The following SLC3A1 variants were observed in gnomAD, a reference collection of about 807,000 sequenced individuals.
SLC3A1 encodes amino acid transporter heavy chain SLC3A1.
In SLC3A1, 78 loss-of-function variants were observed where a neutral mutation model predicts 60.3. The observed-to-expected ratio is 1.29, with a 90% confidence interval of 1.08 to 1.56. SLC3A1 has a LOEUF of 1.56. SLC3A1 is among the 40% of genes most tolerant of loss of function. SLC3A1 has a pLI of 0.00. For synonymous variants in SLC3A1, 392 were observed against 307.9 expected (o/e 1.27, Z -2.86); for missense variants, 1,172 against 858.9 (o/e 1.36, Z -4.56).
chr2:44,312,242 C>T (rs959719429), intron 7 of SLC3A1, among the ~76,000 whole-genome samples: 5 of 152,316 alleles, frequency 3.3e-5, no homozygotes, highest in African/African-American at 1.2e-4. Context: ...CTGTCCCTTT[C>T]ACCTGGGTTC....
At position 44,320,992 on chromosome 2, in the gene SLC3A1, C is replaced by T. The variant is rs1350019366; in HGVS notation, c.*353C>T. 1.8e-5 allele frequency: 7 copies of T among 396,558 alleles called. No individual in the cohort carries two copies. The highest frequency in any genetic ancestry group is 7.7e-5 in the South Asian group (3 of 38,964). 24.6% of individuals were successfully genotyped at this position (396,558 alleles called of 1,614,324 possible). A position where few individuals can be genotyped will look rare whatever the true frequency, so the allele number is the denominator to read the frequency against. ...GAAATTAGAGGATGACTCACTGCCA[C>T]AGTGTCTAAAAGCATTTGCTAGCAA... On this transcript the variant is annotated 3_prime_UTR_variant, in exon 10 of 10. Transcript: ENST00000260649.
intron 7 of SLC3A1, among the ~76,000 whole-genome samples, chr2:44,305,739 TTAATA>T (rs1325911381): frequency 6.6e-6 from 1 of 151,970 alleles, no homozygotes; most frequent in Non-Finnish European, 1.5e-5. Flanking sequence ...CTTCCTTTCT[TTAATA>T]TATTATAAAT....
chr2:44,290,510 A>C (rs780011347), intron 4 of SLC3A1, among the ~76,000 whole-genome samples: 1 of 152,086 alleles, frequency 6.6e-6, no homozygotes, highest in Non-Finnish European at 1.5e-5. Context: ...TCTGTGGTTC[A>C]CTCTGGGGAA....
At position 44,308,685 on chromosome 2, in the gene SLC3A1, C is replaced by G. The variant is rs1005283300; in HGVS notation, c.1333-3901C>G. On this transcript the variant is annotated intron_variant, in intron 7 of 9. Transcript: ENST00000260649. ...ATTGATCTTGTATCCTAAAACATTG[C>G]TGAACTTGTTTTTCGTTTCTAATAG... 4.0e-5 allele frequency among the ~76,000 whole-genome samples: 6 copies of G among 151,704 alleles called. No individual in the cohort carries two copies. The East Asian group carries it at 1.2e-3, about 29-fold the overall frequency.
rs757239030 is a variant in SLC3A1 at position 44,286,068 on chromosome 2, G to A, written c.802G>A (p.Glu268Lys). The change falls in exon 4 of 10, where the codon GAA becomes AAA. Residue 268 changes from glutamate to lysine, a missense_variant. Transcript: ENST00000260649. ...TGGAAACTCCAGTTGGCACTTTGAC[G>A]AAGTGCGAAACCAATGTTATTTTCA... is the stretch of plus-strand genomic sequence containing the variant. ...VYGNSSWHFD[E>K]VRNQCYFHQF... 8.1e-6 allele frequency: 13 copies of A among 1,613,770 alleles called. No individual in the cohort carries two copies. The highest frequency in any genetic ancestry group is 1.7e-4 in the Middle Eastern group (1 of 6,060).
At chr2:44,280,464 C>T (rs1402992740) in intron 1 of SLC3A1, among the ~76,000 whole-genome samples, 1 of 152,130 alleles carries the variant, frequency 6.6e-6, no homozygotes, top group Non-Finnish European at 1.5e-5. Flanking sequence ...GTCTCGAGCT[C>T]TTGACCTTAG....
chr2:44,316,409 G>C (rs372118913), intron 9 of SLC3A1: 4 of 152,172 alleles, frequency 2.6e-5, no homozygotes, highest in African/African-American at 9.7e-5. Flanking sequence ...TAATTAGTGT[G>C]CTGAAAAATT....
intron 7 of SLC3A1, among the ~76,000 whole-genome samples, chr2:44,305,576 C>A (rs578131880): frequency 6.6e-6 from 1 of 151,336 alleles, no homozygotes; most frequent in Non-Finnish European, 1.5e-5. Flanking sequence ...TACAGGTGCA[C>A]GCCACCATGC....
chr2:44,275,510 A>C lies in SLC3A1; in HGVS notation c.-26A>C, dbSNP rs757381375. Reference sequence around the variant, plus strand: ...TCCACCTCCCTTACTGCAGGAAGGCACTCCGAAGACATAAGTCGGTGAGAC... The same window carrying C: ...TCCACCTCCCTTACTGCAGGAAGGCCCTCCGAAGACATAAGTCGGTGAGAC... On this transcript the variant is annotated 5_prime_UTR_variant, in exon 1 of 10. Coordinates refer to ENST00000260649, the MANE Select transcript of SLC3A1 (RefSeq NM_000341.4). 15 of 1,605,984 alleles carry C rather than the reference A, an allele frequency of 9.3e-6. No homozygotes were observed. The highest frequency in any genetic ancestry group is 1.7e-5 in the Admixed American group (1 of 59,572).
intron 4 of SLC3A1, among the ~76,000 whole-genome samples, chr2:44,294,205 A>C (rs1049213595): frequency 2.0e-5 from 3 of 152,098 alleles, no homozygotes; most frequent in Non-Finnish European, 4.4e-5. Flanking sequence ...AGATTGGGTA[A>C]TATAAAGACT....
chr2:44,306,632 C>G (rs1418619356), intron 7 of SLC3A1, among the ~76,000 whole-genome samples: 1 of 142,178 alleles, frequency 7.0e-6, no homozygotes, highest in Admixed American at 7.6e-5. Context: ...CGGCTCACTT[C>G]AACCTCTGCC....
chr2:44,297,357 C>A (rs943211567), intron 4 of SLC3A1, among the ~76,000 whole-genome samples: 1 of 152,116 alleles, frequency 6.6e-6, no homozygotes, highest in African/African-American at 2.4e-5. Context: ...TTCACGGTCA[C>A]CTGGTCCTCC....
intron 9 of SLC3A1, 82 bp downstream of exon 9, chr2:44,314,033 T>C (rs1464643196): frequency 6.3e-7 from 1 of 1,598,626 alleles, no homozygotes; most frequent in South Asian, 1.1e-5. Context: ...ACCCTGAATG[T>C]GTCTAAACCT....
chr2:44,311,240 T>G (rs1483867645), intron 7 of SLC3A1, among the ~76,000 whole-genome samples: 2 of 152,232 alleles, frequency 1.3e-5, no homozygotes, highest in Admixed American at 1.3e-4. Context: ...TCTAACAGTT[T>G]TATTTTTTCA....
Position 44,283,252 on chromosome 2 carries a change from A to G in SLC3A1, c.765+1711A>G, listed in dbSNP as rs368326273. On this transcript the variant is annotated intron_variant, in intron 3 of 9. Transcript: ENST00000260649. ...TGTGATGTGTGATTTTCTCCCTATA[A>G]CCTTCCGTCTCCCAGGTTCAGTGAA... 6.6e-5 allele frequency among the ~76,000 whole-genome samples: 10 copies of G among 151,880 alleles called. No homozygotes were observed. The East Asian group carries it at 1.5e-3, about 23-fold the overall frequency.
Position 44,286,050 on chromosome 2 carries a change from T to A in SLC3A1, c.784T>A (p.Ser262Thr). 2 of 1,614,072 alleles carry A rather than the reference T, an allele frequency of 1.2e-6. No individual in the cohort carries two copies. Among genetic ancestry groups the A allele is most frequent in the South Asian group, 2.2e-5 (2 of 91,082 alleles). ...PNNWLSVYGN[S>T]SWHFDEVRNQ... ...TTGCCAGTTAAGTGTGTATGGAAAC[T>A]CCAGTTGGCACTTTGACGAAGTGCG... The change falls in exon 4 of 10, where the codon TCC becomes ACC. Residue 262 changes from serine (S) to threonine (T), a missense_variant. By Grantham distance (58) the Ser-to-Thr change is moderately conservative. Coordinates refer to ENST00000260649, the MANE Select transcript of SLC3A1 (RefSeq NM_000341.4).
chr2:44,313,757 T>G, intron 8 of SLC3A1, 78 bp from the exon 9 acceptor site: 1 of 1,117,252 alleles, frequency 9.0e-7, no homozygotes, highest in Non-Finnish European at 1.4e-6. Context: ...ATTAAATAAT[T>G]ATGAAGTAAA....
Position 44,275,556 on chromosome 2 carries a change from G to A in SLC3A1, c.21G>A (p.Lys7=), listed in dbSNP as rs1012741022. 6.2e-7 allele frequency: 1 copy of A among 1,614,136 alleles called. No homozygotes were observed. MAEDKS[K]RDSIEMSMKG... is the part of the protein sequence containing the mutation. ...GAGACATGGCTGAAGATAAAAGCAAGAGAGACTCCATCGAGATGAGTATGA... is the reference window on the plus strand; with the variant it reads ...GAGACATGGCTGAAGATAAAAGCAAAAGAGACTCCATCGAGATGAGTATGA... Residue 7 remains lysine (K), a synonymous_variant, in exon 1 of 10, where the codon AAG becomes AAA. Coordinates refer to ENST00000260649, the MANE Select transcript of SLC3A1 (RefSeq NM_000341.4).
intron 4 of SLC3A1, among the ~76,000 whole-genome samples, chr2:44,292,225 G>C (rs1052923612): frequency 3.7e-4 from 56 of 152,084 alleles, no homozygotes; most frequent in African/African-American, 1.2e-3. Flanking sequence ...CTGCTGGGGA[G>C]ACCCAGCTGA....
Sources: allele counts gnomAD v4.1 joint callset (sites outside exome capture counted in the v4.1 genomes callset), GRCh38; gene constraint gnomAD v4.1.1; transcripts MANE v1.5; gene names NCBI Gene and HGNC (gene_info 2026-07-23, HGNC 2026-07-21).